The following TCF4 variants were observed in gnomAD, a reference collection of about 807,000 sequenced individuals.
The protein encoded by TCF4 is SL3-3 enhancer factor 2.
A neutral mutation model predicts 82.1 loss-of-function variants in TCF4; 3 were observed. The observed-to-expected ratio is 0.04, with a 90% confidence interval of 0.02 to 0.09. The LOEUF (loss-of-function observed/expected upper bound fraction) is 0.09, where lower values mean the gene tolerates loss of function less well. Among genes scored for constraint, TCF4 ranks in the 10% least tolerant of loss-of-function variants. The pLI is 1.00. For synonymous variants in TCF4, 276 were observed against 309.6 expected (o/e 0.89, Z 1.14); for missense variants, 518 against 852.7 (o/e 0.61, Z 4.89).
intron 5 of TCF4, among the ~76,000 whole-genome samples, chr18:55,424,391 A>G (rs1173637331): frequency 6.6e-6 from 1 of 152,198 alleles, no homozygotes; most frequent in African/African-American, 2.4e-5. Context: ...GAAATTGTAC[A>G]TTTGTAAGGG....
intron 8 of TCF4, among the ~76,000 whole-genome samples, chr18:55,300,099 TACACACAC>T (rs372975426): frequency 4.1e-5 from 6 of 147,944 alleles, no homozygotes; most frequent in South Asian, 2.2e-4. Flanking sequence ...CATACAGATA[TACACACAC>T]ACACACACAC....
intron 3 of TCF4, among the ~76,000 whole-genome samples, chr18:55,570,468 G>GA (rs1423571850): frequency 2.0e-5 from 3 of 152,018 alleles, no homozygotes; most frequent in Non-Finnish European, 4.4e-5. Context: ...AAATCAATAA[G>GA]AAAAAACAAA....
At chr18:55,566,714 T>G (rs1568416262) in intron 3 of TCF4, among the ~76,000 whole-genome samples, 1 of 151,594 alleles carries the variant, frequency 6.6e-6, no homozygotes, top group Non-Finnish European at 1.5e-5. Flanking sequence ...GGACTGAAAA[T>G]ATGAGAGAAA....
intron 2 of TCF4, among the ~76,000 whole-genome samples, chr18:55,617,701 A>G (rs1568496526): frequency 6.6e-6 from 1 of 151,532 alleles, no homozygotes; most frequent in Non-Finnish European, 1.5e-5. Context: ...TATAAATTGG[A>G]TTGTTTTCTT....
At chr18:55,328,304 G>A (rs1004642582) in intron 8 of TCF4, among the ~76,000 whole-genome samples, 3 of 151,760 alleles carry the variant, frequency 2.0e-5, no homozygotes, top group Non-Finnish European at 4.4e-5. Context: ...TTTTATTTAA[G>A]GAGAAAAGAC....
intron 13 of TCF4, 183 bp downstream of exon 13, chr18:55,259,766 G>A (rs774169065): frequency 1.0e-5 from 6 of 598,236 alleles, no homozygotes; most frequent in South Asian, 4.4e-5. Flanking sequence ...AGGTTTGGAT[G>A]TAAACGACTA....
chr18:55,332,882 T>A (rs2077868445), intron 8 of TCF4, among the ~76,000 whole-genome samples: 1 of 152,248 alleles, frequency 6.6e-6, no homozygotes, highest in Non-Finnish European at 1.5e-5. Flanking sequence ...ATACACTTGA[T>A]GAATATAATT....
At chr18:55,418,043 G>GCA in intron 5 of TCF4, among the ~76,000 whole-genome samples, 1 of 145,488 alleles carries the variant, frequency 6.9e-6, no homozygotes, top group African/African-American at 2.6e-5. Context: ...GTGTGTGTGT[G>GCA]TATCTGTGTG....
intron 8 of TCF4, among the ~76,000 whole-genome samples, chr18:55,311,410 C>T (rs2072389908): frequency 6.6e-6 from 1 of 152,222 alleles, no homozygotes; most frequent in Non-Finnish European, 1.5e-5. Context: ...CAGTAGCAAG[C>T]TCCTGCCTGA....
chr18:55,501,955 A>G (rs1325087849), intron 3 of TCF4, among the ~76,000 whole-genome samples: 2 of 152,204 alleles, frequency 1.3e-5, no homozygotes, highest in Admixed American at 1.3e-4. Flanking sequence ...ATGGTGATAG[A>G]TAAGTAGCAA....
intron 3 of TCF4, among the ~76,000 whole-genome samples, chr18:55,547,192 G>A (rs2097214564): frequency 6.6e-6 from 1 of 152,156 alleles, no homozygotes; most frequent in South Asian, 2.1e-4. Context: ...ATCTAAAACT[G>A]CACTTCAGTG....
chr18:55,335,099 C>T (rs1047103268), intron 8 of TCF4, among the ~76,000 whole-genome samples: 7 of 152,168 alleles, frequency 4.6e-5, no homozygotes, highest in Non-Finnish European at 1.5e-5. Context: ...AGGAAGTGTG[C>T]CGGCCACAAT....
At position 55,434,763 on chromosome 18, in the gene TCF4, C is replaced by CGTGTGTGTGTGTGTGTGTGTGTGTGT. The variant is rs527450659; in HGVS notation, c.304+26230_304+26255dup. ...ACATTCTGATCACCTCTCAAGTATT[C>CGTGTGTGTGTGTGTGTGTGTGTGTGT]GTGTGTGTGTGTGTGTGTGTGTGTG... On this transcript the variant is annotated intron_variant, in intron 5 of 19. Transcript: ENST00000354452. Among the ~76,000 whole-genome samples, 30 of 131,784 alleles carry CGTGTGTGTGTGTGTGTGTGTGTGTGT rather than the reference C, an allele frequency of 2.3e-4. 2 individuals carry two copies. Among genetic ancestry groups the CGTGTGTGTGTGTGTGTGTGTGTGTGT allele is most frequent in the Admixed American group, 9.4e-4 (12 of 12,744 alleles). 86.5% of individuals were successfully genotyped at this position (131,784 alleles called of 152,430 possible). A position where few individuals can be genotyped will look rare whatever the true frequency, so the allele number is the denominator to read the frequency against.
chr18:55,393,379 A>G (rs1018230334), intron 6 of TCF4, among the ~76,000 whole-genome samples: 1 of 152,138 alleles, frequency 6.6e-6, no homozygotes, highest in Non-Finnish European at 1.5e-5. Flanking sequence ...TTTTCTTAAG[A>G]GTAAGTGTTA....
intron 1 of TCF4, among the ~76,000 whole-genome samples, chr18:55,634,264 C>A (rs1266652693): frequency 6.6e-6 from 1 of 150,592 alleles, no homozygotes; most frequent in Non-Finnish European, 1.5e-5. Context: ...AGTGAGACTC[C>A]GTCTCAAAAA....
chr18:55,229,191 T>C, intron 17 of TCF4, 115 bp from the exon 18 acceptor site: 1 of 1,183,328 alleles, frequency 8.5e-7, no homozygotes, highest in Non-Finnish European at 1.2e-6. Context: ...ATGCCATGTT[T>C]TTGGCAGAAT....
intron 5 of TCF4, among the ~76,000 whole-genome samples, chr18:55,428,064 G>T (rs1157640237): frequency 6.6e-6 from 1 of 151,974 alleles, no homozygotes; most frequent in African/African-American, 2.4e-5. Context: ...CAACTCTGAG[G>T]GATGGAAAGT....
At chr18:55,577,997 A>G (rs2097544730) in intron 3 of TCF4, among the ~76,000 whole-genome samples, 1 of 152,134 alleles carries the variant, frequency 6.6e-6, no homozygotes, top group South Asian at 2.1e-4. Flanking sequence ...TAATTCAATC[A>G]AGCTGGATTT....
intron 3 of TCF4, among the ~76,000 whole-genome samples, chr18:55,508,704 C>T (rs1345335100): frequency 6.6e-6 from 1 of 152,216 alleles, no homozygotes; most frequent in East Asian, 1.9e-4. Context: ...CCAGCTCACA[C>T]TTGCTCTTTA....
Sources: gnomAD v4.1 joint callset for allele counts (sites outside exome capture counted in the v4.1 genomes callset) on GRCh38, gnomAD v4.1.1 for gene constraint, MANE v1.5 for transcripts, NCBI Gene and HGNC (gene_info 2026-07-23, HGNC 2026-07-21) for gene names.